The following KALRN variants were observed in gnomAD, a reference collection of about 807,000 sequenced individuals.
KALRN encodes kalirin.
Under a neutral mutation model 353.7 loss-of-function variants are expected in KALRN, and 70 were observed. The observed-to-expected ratio is 0.20, with a 90% CI of 0.16 to 0.24. The LOEUF (loss-of-function observed/expected upper bound fraction) is 0.24, where lower values mean the gene tolerates loss of function less well. Among genes scored for constraint, KALRN ranks in the 10% least tolerant of loss-of-function variants. The probability of loss-of-function intolerance (pLI) is 1.00; values close to 1 mark genes in which losing one functional copy is unlikely to be tolerated. For missense variants in KALRN, 2,791 were observed against 3,756.7 expected (o/e 0.74, Z 6.72); for synonymous variants, 1,391 against 1,434.8 (o/e 0.97, Z 0.69).
At chr3:124,521,443 C>G (rs1457010685) in intron 33 of KALRN, among the ~76,000 whole-genome samples, 1 of 152,120 alleles carries the variant, frequency 6.6e-6, no homozygotes, top group African/African-American at 2.4e-5. Flanking sequence ...TTGCCCAAGA[C>G]CATGTAGCAA....
intron 8 of KALRN, among the ~76,000 whole-genome samples, chr3:124,331,960 A>T (rs2080610731): frequency 1.3e-5 from 2 of 152,150 alleles, no homozygotes. Flanking sequence ...CCTACCCTGG[A>T]CATAGCATGG....
intron 18 of KALRN, among the ~76,000 whole-genome samples, chr3:124,440,712 T>G (rs2093639450): frequency 1.3e-5 from 2 of 152,036 alleles, no homozygotes; most frequent in South Asian, 2.1e-4. Context: ...GAAAAAAATT[T>G]CAAAGAAAAA....
chr3:124,605,235 C>A (rs1352973212), intron 34 of KALRN, among the ~76,000 whole-genome samples: 1 of 151,794 alleles, frequency 6.6e-6, no homozygotes, highest in Non-Finnish European at 1.5e-5. Flanking sequence ...CATGAGCCAG[C>A]ACATCTGGCC....
At chr3:124,325,952 C>T (rs373714890) in intron 6 of KALRN, 28 bp from the exon 7 acceptor site, 439 of 1,593,286 alleles carry the variant, frequency 2.8e-4, no homozygotes, top group Non-Finnish European at 3.4e-4. Flanking sequence ...TGAGCCTGCC[C>T]CACTGAGCAC....
intron 1 of KALRN, among the ~76,000 whole-genome samples, chr3:124,184,218 C>A (rs2073947112): frequency 6.6e-6 from 1 of 152,150 alleles, no homozygotes; most frequent in Non-Finnish European, 1.5e-5. Flanking sequence ...AGCTCTGTGA[C>A]CTTGAGCAAG....
intron 13 of KALRN, among the ~76,000 whole-genome samples, chr3:124,400,734 G>A (rs1409741199): frequency 6.6e-6 from 1 of 152,194 alleles, no homozygotes; most frequent in African/African-American, 2.4e-5. Context: ...TACAGGCTAA[G>A]TTGATTAAAG....
chr3:124,213,177 A>G (rs998007619), intron 1 of KALRN, among the ~76,000 whole-genome samples: 2 of 152,108 alleles, frequency 1.3e-5, no homozygotes, highest in Non-Finnish European at 2.9e-5. Context: ...AAAAAATGTC[A>G]TTTTAAAGGT....
At chr3:124,602,554 T>C (rs369239061) in intron 34 of KALRN, among the ~76,000 whole-genome samples, 3 of 152,312 alleles carry the variant, frequency 2.0e-5, no homozygotes, top group South Asian at 4.1e-4. Flanking sequence ...GCCTTCCCTG[T>C]TGTACGTGCC....
At chr3:124,684,596 G>A (rs576480254) in intron 51 of KALRN, among the ~76,000 whole-genome samples, 10 of 152,312 alleles carry the variant, frequency 6.6e-5, no homozygotes, top group Non-Finnish European at 1.0e-4. Context: ...AGCTCCAAGT[G>A]TACAGGTGTT....
intron 49 of KALRN, chr3:124,677,450 A>G (rs2087310215): frequency 2.7e-6 from 1 of 364,440 alleles, no homozygotes; most frequent in African/African-American, 2.2e-5. Context: ...GGCCTATTGA[A>G]AAGCCATTGC....
intron 12 of KALRN, among the ~76,000 whole-genome samples, chr3:124,396,505 C>T (rs542203379): frequency 3.3e-5 from 5 of 152,278 alleles, no homozygotes; most frequent in East Asian, 3.9e-4. Context: ...CATTTGCTTC[C>T]GAAGAGAATT....
At chr3:124,673,230 T>A (rs1386314337) in intron 48 of KALRN, among the ~76,000 whole-genome samples, 11 of 148,238 alleles carry the variant, frequency 7.4e-5, no homozygotes, top group Admixed American at 7.4e-4. Flanking sequence ...AATAAAACTT[T>A]AAAAAAAAAA....
At chr3:124,338,641 G>A (rs1291166263) in intron 9 of KALRN, among the ~76,000 whole-genome samples, 1 of 152,186 alleles carries the variant, frequency 6.6e-6, no homozygotes, top group African/African-American at 2.4e-5. Context: ...ATCTGTAGAT[G>A]TCTATTAGGT....
intron 33 of KALRN, among the ~76,000 whole-genome samples, chr3:124,540,893 T>G (rs2068960802): frequency 6.6e-6 from 1 of 152,212 alleles, no homozygotes; most frequent in African/African-American, 2.4e-5. Context: ...ACAGCAGAGC[T>G]TAGGAACTAT....
intron 33 of KALRN, among the ~76,000 whole-genome samples, chr3:124,551,563 G>A (rs1159134841): frequency 6.6e-6 from 1 of 152,196 alleles, no homozygotes; most frequent in East Asian, 1.9e-4. Flanking sequence ...CTAAGCGGGC[G>A]TGAAGATGTT....
intron 38 of KALRN, 62 bp from the exon 39 acceptor site, chr3:124,655,539 A>C: frequency 7.4e-7 from 1 of 1,350,912 alleles, no homozygotes. Flanking sequence ...CTGTGAACTT[A>C]AGTGAAGATT....
chr3:124,271,882 A>G (rs2074204620), intron 5 of KALRN, among the ~76,000 whole-genome samples: 1 of 152,224 alleles, frequency 6.6e-6, no homozygotes, highest in Non-Finnish European at 1.5e-5. Flanking sequence ...TGTACAAAAA[A>G]TATACATAGG....
At chr3:124,697,498 A>G (rs972687875) in intron 54 of KALRN, 95 bp from the exon 55 acceptor site, 2 of 1,280,840 alleles carry the variant, frequency 1.6e-6, no homozygotes, top group African/African-American at 3.0e-5. Context: ...AAATTGTGAC[A>G]TCGGTTAGGT....
At chr3:124,147,869 A>C (rs1047971901) in intron 1 of KALRN, among the ~76,000 whole-genome samples, 4 of 152,204 alleles carry the variant, frequency 2.6e-5, no homozygotes, top group Non-Finnish European at 4.4e-5. Flanking sequence ...CTTAGCACCT[A>C]AAACAGTGTG....
Sources: allele counts gnomAD v4.1 joint callset (sites outside exome capture counted in the v4.1 genomes callset), GRCh38; gene constraint gnomAD v4.1.1; transcripts MANE v1.5; gene names NCBI Gene and HGNC (gene_info 2026-07-23, HGNC 2026-07-21).